The following HAUS7 variants were observed in gnomAD, a reference collection of about 807,000 sequenced individuals.
HAUS7 encodes the protein HAUS augmin-like complex subunit 7.
HAUS7 carries 3 observed loss-of-function variants against 28.4 expected under a neutral mutation model. The observed-to-expected ratio is 0.11, with a 90% CI of 0.05 to 0.27. The LOEUF is 0.27. Among genes scored for constraint, HAUS7 ranks in the 10% least tolerant of loss-of-function variants. HAUS7 has a pLI of 1.00. For synonymous variants in HAUS7, 165 were observed against 132.1 expected, an observed-to-expected ratio of 1.25 and a Z score of -1.71; for missense variants, 284 against 297.3, an observed-to-expected ratio of 0.96 and a Z score of 0.33.
At position 153,462,369 on chromosome X, in the gene HAUS7, G is replaced by A. The variant is rs782386979; in HGVS notation, c.354+241C>T. On this transcript the variant is annotated intron_variant, in intron 4 of 9. Coordinates refer to ENST00000370211, the MANE Select transcript of HAUS7 (RefSeq NM_001385482.1). ...GCCAGAGATCTGCCCCTCCCTGCAC[G>A]GCTGCCCTCTCCCCTGCGCCCCAGG... is the stretch of plus-strand genomic sequence containing the variant. 1.8e-5 allele frequency: 3 copies of A among 171,323 alleles called. No individual in the cohort carries two copies. In the South Asian group the frequency reaches 7.8e-4, roughly 44 times the overall value. 14.1% of individuals were successfully genotyped at this position (171,323 alleles called of 1,213,427 possible).
chrX:153,480,056 C>T (rs782706067), intron 1 of HAUS7, among the ~76,000 whole-genome samples: 1 of 112,028 alleles, frequency 8.9e-6, no homozygotes, highest in Non-Finnish European at 1.9e-5. Flanking sequence ...TCGCAGCGAC[C>T]CCTTCATCTC....
chrX:153,475,262 A>T (rs782232438), upstream of HAUS7, among the ~76,000 whole-genome samples: 1 of 111,676 alleles, frequency 9.0e-6, no homozygotes, highest in South Asian at 3.8e-4. Context: ...CCTGCTCCCT[A>T]TGGGCTGGTC....
chrX:153,455,013 A>G (rs1556981779), intron 8 of HAUS7: 1 of 1,021,184 alleles, frequency 9.8e-7, no homozygotes, highest in East Asian at 6.1e-5. Flanking sequence ...AACTGTAGTC[A>G]TCGTAACTAA....
Position 153,454,511 on chromosome X carries a change from GGGGAGGGAGGGAGGGAGGGAGGGAGGGA to G in HAUS7, c.931-31_931-4del. On this transcript the variant is annotated splice_region_variant and splice_polypyrimidine_tract_variant and intron_variant, in intron 8 of 9. Coordinates refer to ENST00000370211, the MANE Select transcript of HAUS7 (RefSeq NM_001385482.1). ...ACTGCCATGACCACTTGCAGCAGCT[GGGGAGGGAGGGAGGGAGGGAGGGAGGGA>G]GGGAGGGAGCGAGCAGGCACTAAAT... 3.5e-6 allele frequency: 2 copies of G among 575,317 alleles called. No homozygotes were observed. The highest frequency in any genetic ancestry group is 5.2e-6 in the Non-Finnish European group (2 of 383,552). 47.4% of individuals were successfully genotyped at this position (575,317 alleles called of 1,213,427 possible).
intron 2 of HAUS7, among the ~76,000 whole-genome samples, chrX:153,465,353 G>A (rs1556984135): frequency 9.3e-6 from 1 of 107,425 alleles, no homozygotes; most frequent in Non-Finnish European, 1.9e-5. Flanking sequence ...TGCAGCAGAG[G>A]CAGAGAGGGA....
intron 3 of HAUS7, among the ~76,000 whole-genome samples, chrX:153,463,963 G>A (rs926633154): frequency 8.9e-6 from 1 of 112,717 alleles, no homozygotes; most frequent in Non-Finnish European, 1.9e-5. Context: ...CCGCTAGCAC[G>A]CAAGCGCCAC....
At chrX:153,487,629 C>A (rs2089647190) in intron 1 of HAUS7, among the ~76,000 whole-genome samples, 1 of 112,772 alleles carries the variant, frequency 8.9e-6, no homozygotes, top group Admixed American at 9.3e-5. Context: ...AGGCTGTGCC[C>A]CTATCTGACC....
chrX:153,484,851 A>T (rs2089625956), intron 1 of HAUS7, among the ~76,000 whole-genome samples: 1 of 112,208 alleles, frequency 8.9e-6, no homozygotes, highest in South Asian at 3.7e-4. Flanking sequence ...CCTCTCCTGG[A>T]CTCTGGCGCC....
At chrX:153,452,528 G>A (rs1556981238) in intron 9 of HAUS7, among the ~76,000 whole-genome samples, 1 of 112,115 alleles carries the variant, frequency 8.9e-6, no homozygotes, top group Admixed American at 9.4e-5. Context: ...AAGTGTTAAA[G>A]AACCAACAAG....
At chrX:153,476,717 C>T (rs1398064447) in intron 1 of HAUS7, among the ~76,000 whole-genome samples, 4 of 112,064 alleles carry the variant, frequency 3.6e-5, no homozygotes, top group Non-Finnish European at 5.6e-5. Flanking sequence ...ATGGCCAGTC[C>T]GTCCATGGCA....
intron 4 of HAUS7, chrX:153,462,180 C>G: frequency 9.8e-7 from 1 of 1,017,709 alleles, no homozygotes; most frequent in Non-Finnish European, 1.3e-6. Context: ...AATTTAGAAA[C>G]GAGAAGGTGG....
At chrX:153,462,492 A>G in intron 4 of HAUS7, 118 bp downstream of exon 4, 1 of 617,627 alleles carries the variant, frequency 1.6e-6, no homozygotes, top group Non-Finnish European at 2.7e-6. Context: ...CCAGGGCCTG[A>G]GGAACCTCAA....
At chrX:153,449,164 T>A (rs1369160096) in intron 9 of HAUS7, among the ~76,000 whole-genome samples, 2 of 111,995 alleles carry the variant, frequency 1.8e-5, no homozygotes, top group Admixed American at 9.4e-5. Flanking sequence ...GCCCTGCCTG[T>A]CCGCTCCCCA....
intron 2 of HAUS7, among the ~76,000 whole-genome samples, chrX:153,466,042 G>A (rs2089451173): frequency 8.9e-6 from 1 of 112,811 alleles, no homozygotes; most frequent in Non-Finnish European, 1.9e-5. Flanking sequence ...GGAAAGGGCT[G>A]GTGGCTGTTC....
chrX:153,465,875 G>A (rs1249039908), intron 2 of HAUS7, among the ~76,000 whole-genome samples: 3 of 112,126 alleles, frequency 2.7e-5, no homozygotes, highest in Non-Finnish European at 3.8e-5. Context: ...ACATCACTCC[G>A]GCCGCTGGGG....
At chrX:153,455,419 G>C in intron 8 of HAUS7, 123 bp downstream of exon 8, 1 of 486,212 alleles carries the variant, frequency 2.1e-6, no homozygotes, top group East Asian at 3.6e-5. Flanking sequence ...CCCAGCCCCT[G>C]GTCCTGCCCT....
chrX:153,462,101 CA>C, intron 4 of HAUS7: 1 of 1,049,827 alleles, frequency 9.5e-7, no homozygotes, highest in Non-Finnish European at 1.3e-6. Flanking sequence ...CGTGTTCAGT[CA>C]AAAATCATAT....
intron 9 of HAUS7, among the ~76,000 whole-genome samples, chrX:153,452,749 G>A (rs781783231): frequency 2.1e-4 from 24 of 112,015 alleles, no homozygotes; most frequent in Admixed American, 2.1e-3. Context: ...TTGGGAGGCC[G>A]AGACAGGTGG....
intron 8 of HAUS7, chrX:153,455,142 C>A: frequency 4.1e-6 from 2 of 489,265 alleles, no homozygotes; most frequent in South Asian, 2.4e-5. Context: ...GACAGGCAGG[C>A]ATTTGTCTGC....
Sources: gnomAD v4.1 joint callset for allele counts (sites outside exome capture counted in the v4.1 genomes callset) on GRCh38, gnomAD v4.1.1 for gene constraint, MANE v1.5 for transcripts, NCBI Gene and HGNC (gene_info 2026-07-23, HGNC 2026-07-21) for gene names.